LDLRAD3: variants seen among roughly 807,000 people sequenced by gnomAD.
The protein encoded by LDLRAD3 is low-density lipoprotein receptor class A domain-containing protein 3.
A neutral mutation model predicts 29.4 loss-of-function variants in LDLRAD3; 20 were observed. The observed-to-expected ratio is 0.68, with a 90% CI of 0.48 to 0.99. LDLRAD3 has a LOEUF of 0.99. Ranked by LOEUF, LDLRAD3 falls within the 50% of genes least tolerant of loss-of-function variation. The probability of loss-of-function intolerance (pLI) is 0.00; values close to 1 mark genes in which losing one functional copy is unlikely to be tolerated. For missense variants in LDLRAD3, 420 were observed against 454.3 expected (o/e 0.92, Z 0.69); for synonymous variants, 157 against 192.7 (o/e 0.81, Z 1.53).
At chr11:36,056,925 G>A (rs1565190901) in intron 2 of LDLRAD3, among the ~76,000 whole-genome samples, 1 of 152,120 alleles carries the variant, frequency 6.6e-6, no homozygotes, top group Admixed American at 6.5e-5. Flanking sequence ...TGGGGGTCTT[G>A]GTAAAATGCA....
chr11:35,987,918 C>T (rs1350909257), intron 1 of LDLRAD3, among the ~76,000 whole-genome samples: 1 of 152,194 alleles, frequency 6.6e-6, no homozygotes, highest in Non-Finnish European at 1.5e-5. Context: ...TCCACAGCCT[C>T]ACCAGCATCT....
rs567029903 is a variant in LDLRAD3, at chr11:36,230,550, G to A, written c.*1153G>A. On this transcript the variant is annotated 3_prime_UTR_variant, in exon 6 of 6. Coordinates refer to ENST00000315571, the MANE Select transcript of LDLRAD3 (RefSeq NM_174902.4). Reference sequence around the variant, plus strand: ...ACCTCTAGTTAGAGTTAGGGTCAGGGTCAGGCCTCTCCCAACATCCCAGTA... The same window carrying A: ...ACCTCTAGTTAGAGTTAGGGTCAGGATCAGGCCTCTCCCAACATCCCAGTA... The A allele has an allele frequency of 1.3e-5, 2 of 152,676 alleles. No individual in the cohort carries two copies. The highest frequency in any genetic ancestry group is 2.1e-4 in the South Asian group (1 of 4,830). 9.5% of individuals were successfully genotyped at this position (152,676 alleles called of 1,614,324 possible). A position where few individuals can be genotyped will look rare whatever the true frequency, so the allele number is the denominator to read the frequency against.
chr11:36,062,455 G>C (rs549794769), intron 2 of LDLRAD3, among the ~76,000 whole-genome samples: 129 of 152,268 alleles, frequency 8.5e-4, no homozygotes, highest in Non-Finnish European at 1.6e-3. Flanking sequence ...GACGATTATT[G>C]CCAAGGAAGA....
At chr11:35,999,442 C>G (rs1466740094) in intron 1 of LDLRAD3, among the ~76,000 whole-genome samples, 1 of 152,198 alleles carries the variant, frequency 6.6e-6, no homozygotes, top group Non-Finnish European at 1.5e-5. Context: ...AGGGGCCTGG[C>G]TGCAGCCACA....
chr11:36,217,218 T>G (rs1010086313), intron 4 of LDLRAD3, among the ~76,000 whole-genome samples: 6 of 152,170 alleles, frequency 3.9e-5, no homozygotes, highest in Non-Finnish European at 8.8e-5. Context: ...GTGAAGAAAT[T>G]GTGAATTACC....
rs915815938 is a variant in LDLRAD3, at chr11:35,983,806, G to A, written c.46+39662G>A. ...CCAGGCTAATTCTTTTGTATTTTTA[G>A]TAGACACGGGGTTTCACCACGTTGG... is the stretch of plus-strand genomic sequence containing the variant. On this transcript the variant is annotated intron_variant, in intron 1 of 5. Transcript: ENST00000315571. Among the ~76,000 whole-genome samples the A allele has an allele frequency of 2.6e-5, 4 of 152,060 alleles. No homozygotes were observed. The East Asian group carries it at 7.7e-4, about 29-fold the overall frequency.
chr11:36,203,194 T>C (rs6484829), intron 4 of LDLRAD3, among the ~76,000 whole-genome samples: 151,363 of 152,248 alleles, frequency 0.99, 75,245 homozygotes, highest in Middle Eastern at 1. Context: ...CCTTGAACTC[T>C]TGGCCTCAAG....
chr11:36,069,262 C>A (rs1209585156), intron 2 of LDLRAD3, among the ~76,000 whole-genome samples: 2 of 152,202 alleles, frequency 1.3e-5, no homozygotes, highest in Admixed American at 1.3e-4. Context: ...GTTTAGCCCC[C>A]AGATTTCCTG....
chr11:36,045,508 C>T (rs1458238506), intron 2 of LDLRAD3, among the ~76,000 whole-genome samples: 1 of 152,124 alleles, frequency 6.6e-6, no homozygotes, highest in Non-Finnish European at 1.5e-5. Context: ...CTTGCCTTGT[C>T]CTCACTTCTA....
intron 2 of LDLRAD3, among the ~76,000 whole-genome samples, chr11:36,041,867 G>A (rs1298277093): frequency 8.4e-6 from 1 of 118,390 alleles, no homozygotes; most frequent in Non-Finnish European, 2.1e-5. Context: ...TGTTTGGTGG[G>A]TGTGTTTGGT....
chr11:36,126,900 G>A (rs958271059), intron 4 of LDLRAD3, among the ~76,000 whole-genome samples: 16 of 152,190 alleles, frequency 1.1e-4, no homozygotes, highest in African/African-American at 3.9e-4. Context: ...ACCCACTGCC[G>A]AGCAAGTGCA....
chr11:36,197,357 A>T (rs1213946917), intron 4 of LDLRAD3: 1 of 151,302 alleles, frequency 6.6e-6, no homozygotes, highest in Non-Finnish European at 1.5e-5. Flanking sequence ...TCTGTGTGTG[A>T]AGTTAAGTGC....
intron 4 of LDLRAD3, among the ~76,000 whole-genome samples, chr11:36,165,693 A>C (rs972562411): frequency 3.3e-5 from 5 of 151,964 alleles, no homozygotes; most frequent in African/African-American, 1.2e-4. Context: ...TGAAAAAGGA[A>C]ATTATTTATT....
In LDLRAD3 at chr11:36,175,434, A is replaced by G. The variant is rs553436897; in HGVS notation, c.455-51651A>G. Reference sequence around the variant, plus strand: ...TATTTGTGCTCTTTCAGACTTTTCAATGTAGGTATTTAATGCTATGAACTT... The same window carrying G: ...TATTTGTGCTCTTTCAGACTTTTCAGTGTAGGTATTTAATGCTATGAACTT... On this transcript the variant is annotated intron_variant, in intron 4 of 5. Coordinates refer to ENST00000315571, the MANE Select transcript of LDLRAD3 (RefSeq NM_174902.4). Among the ~76,000 whole-genome samples the G allele has an allele frequency of 1.4e-4, 22 of 152,100 alleles. No individual in the cohort carries two copies. The South Asian group carries it at 4.2e-3, about 29-fold the overall frequency.
intron 1 of LDLRAD3, among the ~76,000 whole-genome samples, chr11:35,957,159 G>A (rs539893543): frequency 6.6e-6 from 1 of 152,182 alleles, no homozygotes; most frequent in African/African-American, 2.4e-5. Flanking sequence ...ACCACCTAAA[G>A]ATTTTTAACA....
intron 4 of LDLRAD3, among the ~76,000 whole-genome samples, chr11:36,133,217 G>C (rs201370130): frequency 3.3e-5 from 1 of 29,856 alleles, no homozygotes; most frequent in African/African-American, 1.3e-4. Context: ...CTTTTTTTTA[G>C]TTGAGATGGG....
chr11:36,121,120 A>G (rs1463602879), intron 4 of LDLRAD3, among the ~76,000 whole-genome samples: 1 of 152,172 alleles, frequency 6.6e-6, no homozygotes, highest in Non-Finnish European at 1.5e-5. Context: ...CATCATAGAC[A>G]CTCAATAACC....
intron 4 of LDLRAD3, among the ~76,000 whole-genome samples, chr11:36,146,814 G>C (rs1420067035): frequency 1.8e-5 from 1 of 56,944 alleles, no homozygotes; most frequent in Non-Finnish European, 3.5e-5. Flanking sequence ...GATTGAGATG[G>C]AATCTTGCTT....
At chr11:36,140,995 T>TTTCTCTCTCG (rs1854075264) in intron 4 of LDLRAD3, among the ~76,000 whole-genome samples, 1 of 85,164 alleles carries the variant, frequency 1.2e-5, no homozygotes, top group African/African-American at 6.0e-5. Flanking sequence ...TTGAGCTTTC[T>TTTCTCTCTCG]CTCTCTCTCT....
Sources: allele counts gnomAD v4.1 joint callset (sites outside exome capture counted in the v4.1 genomes callset), GRCh38; gene constraint gnomAD v4.1.1; transcripts MANE v1.5; gene names NCBI Gene and HGNC (gene_info 2026-07-23, HGNC 2026-07-21).